The following SHPRH variants were observed in gnomAD, a reference collection of about 807,000 sequenced individuals.
SHPRH encodes the protein SNF2 histone linker PHD RING helicase.
In SHPRH, 106 loss-of-function variants were observed where a neutral mutation model predicts 202.5. The observed-to-expected ratio is 0.52, with a 90% CI of 0.45 to 0.62. The LOEUF is 0.62. SHPRH is among the 20% of genes least tolerant of loss of function. The pLI is 0.00. For missense variants in SHPRH, 1,710 were observed against 2,020.0 expected (o/e 0.85, Z 2.94); for synonymous variants, 729 against 686.0 (o/e 1.06, Z -0.98).
chr6:145,893,601 T>C (rs1234600054), intron 27 of SHPRH, among the ~76,000 whole-genome samples: 2 of 152,190 alleles, frequency 1.3e-5, no homozygotes, highest in Non-Finnish European at 2.9e-5. Flanking sequence ...TAAGCTCTCT[T>C]GTTCTTCGTA....
At position 145,947,455 on chromosome 6, in the gene SHPRH, T is replaced by C. The variant is rs766033604; in HGVS notation, c.1212+38A>G. 28 of 1,600,938 alleles carry C rather than the reference T, an allele frequency of 1.7e-5. 1 individual carries two copies. Among genetic ancestry groups the C allele is most frequent in the South Asian group, 1.3e-4 (12 of 88,932 alleles). On this transcript the variant is annotated intron_variant, in intron 6 of 29. Coordinates refer to ENST00000275233, the MANE Select transcript of SHPRH (RefSeq NM_001042683.3). ...ACATACGATGCTTTTCGAGAACATA[T>C]GTCCCCTGCTTTTGCAAGCCCTACT... is the stretch of plus-strand genomic sequence containing the variant.
At chr6:145,963,619 G>A (rs1582858425) in intron 1 of SHPRH, 112 bp downstream of exon 1, 2 of 152,164 alleles carry the variant, frequency 1.3e-5, no homozygotes, top group Admixed American at 1.3e-4. Flanking sequence ...ACTTTGAGTG[G>A]GACTGAGAAA....
chr6:145,940,756 T>C lies in SHPRH; in HGVS notation c.2536A>G (p.Ile846Val). 6.2e-7 allele frequency: 1 copy of C among 1,613,764 alleles called. No individual in the cohort carries two copies. The highest frequency in any genetic ancestry group is 8.5e-7 in the Non-Finnish European group (1 of 1,179,824). ...CCTCTCTGTACTGGAGTGCCACTGA[T>C]ACACCATCGATTAATCCCACTCAAA... ...QRLSGINRWC[I>V]SGTPVQRGLE... Residue 846 changes from isoleucine (I) to valine (V), a missense_variant, in exon 11 of 30, where the codon ATC becomes GTC. Ile to Val is a conservative substitution (Grantham distance 29). Coordinates refer to ENST00000275233, the MANE Select transcript of SHPRH (RefSeq NM_001042683.3).
Position 145,943,633 on chromosome 6 carries a change from G to A in SHPRH, c.1748C>T (p.Ser583Phe), listed in dbSNP as rs773675438. The change falls in exon 9 of 30, where the codon TCC becomes TTC. Residue 583 changes from serine (S) to phenylalanine (F), a missense_variant. Around this residue, in one of 8 missense-constraint regions of SHPRH, gnomAD observed 348 missense variants for 356.9 expected, o/e 0.97. Coordinates refer to ENST00000275233, the MANE Select transcript of SHPRH (RefSeq NM_001042683.3). ...TGGTTGACTTTTTCCTTTTTTTGTG[G>A]ATGGAACAAGCTTTTTCCTCAATTT... Reference protein sequence around the residue: ...RSKLRKKLVPSTKKGKSQPFI... With the variant: ...RSKLRKKLVPFTKKGKSQPFI... The A allele has an allele frequency of 1.9e-6, 3 of 1,613,742 alleles. No homozygotes were observed. Among genetic ancestry groups the A allele is most frequent in the Non-Finnish European group, 2.5e-6 (3 of 1,179,860 alleles).
intron 14 of SHPRH, among the ~76,000 whole-genome samples, chr6:145,930,454 T>G (rs1288631716): frequency 1.3e-5 from 2 of 152,194 alleles, no homozygotes; most frequent in African/African-American, 4.8e-5. Flanking sequence ...TTTTATTCAC[T>G]TCAAAGTATC....
chr6:145,879,357 T>C (rs1780448081), intron 2 of SHPRH, among the ~76,000 whole-genome samples: 1 of 152,150 alleles, frequency 6.6e-6, no homozygotes, highest in Non-Finnish European at 1.5e-5. Context: ...CTTAGTTGGC[T>C]GAAGATATTC....
intron 25 of SHPRH, among the ~76,000 whole-genome samples, chr6:145,896,806 A>C (rs1236998160): frequency 6.6e-6 from 1 of 152,130 alleles, no homozygotes; most frequent in Non-Finnish European, 1.5e-5. Context: ...TCATTGGGTC[A>C]ATGAAGCAAT....
At chr6:145,941,171 G>A (rs963937534) in intron 10 of SHPRH, among the ~76,000 whole-genome samples, 1 of 152,122 alleles carries the variant, frequency 6.6e-6, no homozygotes, top group African/African-American at 2.4e-5. Flanking sequence ...AAAGACAACA[G>A]AATAAAGACA....
At chr6:145,918,259 T>C (rs751898501) in intron 22 of SHPRH, 27 bp from the exon 23 acceptor site, 2 of 1,406,842 alleles carry the variant, frequency 1.4e-6, no homozygotes, top group Admixed American at 2.5e-5. Context: ...TAAAAACTTC[T>C]TTATTCTTTC....
Position 145,964,161 on chromosome 6 carries a change from G to C in SHPRH, c.-463C>G, listed in dbSNP as rs577809399. ...TTCCATCACCCAAGCGCCTACCCAA[G>C]CTGGTTCTCCGAGCCTCTTGAGTCT... On this transcript the variant is annotated 5_prime_UTR_variant, in exon 1 of 30. Coordinates refer to ENST00000275233, the MANE Select transcript of SHPRH (RefSeq NM_001042683.3). 6.8e-6 allele frequency: 1 copy of C among 146,372 alleles called. No individual in the cohort carries two copies. The highest frequency in any genetic ancestry group is 2.5e-5 in the African/African-American group (1 of 40,478). 9.1% of individuals were successfully genotyped at this position (146,372 alleles called of 1,614,324 possible).
At position 145,943,316 on chromosome 6, in the gene SHPRH, C is replaced by G. The variant is rs1786995730; in HGVS notation, c.2065G>C (p.Val689Leu). 6.2e-7 allele frequency: 1 copy of G among 1,613,814 alleles called. No homozygotes were observed. The highest frequency in any genetic ancestry group is 8.5e-7 in the Non-Finnish European group (1 of 1,179,928). ...KCHLWQHAKC[V>L]NYDEKNLKIK... Reference sequence around the variant, plus strand: ...TTCAGATTTTTCTCATCATAATTCACACACTTTGCATGTTGCCACAGGTGA... The same window carrying G: ...TTCAGATTTTTCTCATCATAATTCAGACACTTTGCATGTTGCCACAGGTGA... Residue 689 changes from valine (V) to leucine (L), a missense_variant, in exon 9 of 30, where the codon GTG becomes CTG. Val to Leu is a conservative substitution (Grantham distance 32). Around this residue, in one of 8 missense-constraint regions of SHPRH, gnomAD observed 277 missense variants for 363.0 expected, o/e 0.76. Transcript: ENST00000275233.
chr6:145,946,881 G>GAC (rs1171361318), intron 6 of SHPRH, among the ~76,000 whole-genome samples: 1 of 151,802 alleles, frequency 6.6e-6, no homozygotes, highest in African/African-American at 2.4e-5. Flanking sequence ...TTTAACTACT[G>GAC]ACTTCATTTC....
chr6:145,862,293 C>CAA (rs1004641382), downstream of SHPRH, among the ~76,000 whole-genome samples: 1 of 145,052 alleles, frequency 6.9e-6, no homozygotes, highest in African/African-American at 2.5e-5. Context: ...ACTAAAAATA[C>CAA]AAAAAAAAAA....
chr6:145,865,714 G>A (rs547299769), intron 2 of SHPRH, among the ~76,000 whole-genome samples: 3 of 152,314 alleles, frequency 2.0e-5, no homozygotes, highest in Non-Finnish European at 4.4e-5. Flanking sequence ...CAGAGGCCCG[G>A]GCAATCTCTC....
chr6:145,921,940 A>T (rs78774851), intron 20 of SHPRH, among the ~76,000 whole-genome samples: 6,370 of 152,100 alleles, frequency 0.042, 223 homozygotes, highest in East Asian at 0.17. Context: ...ATTCTTGAAG[A>T]AGTTATGCCG....
intron 2 of SHPRH, among the ~76,000 whole-genome samples, chr6:145,874,567 A>G (rs1255064004): frequency 2.0e-5 from 3 of 152,200 alleles, no homozygotes; most frequent in Non-Finnish European, 4.4e-5. Context: ...ACATTCTGAA[A>G]TGATTACCAA....
chr6:145,877,533 A>G (rs1237769852), intron 2 of SHPRH: 1 of 152,202 alleles, frequency 6.6e-6, no homozygotes, highest in Admixed American at 6.5e-5. Context: ...GCCCCATAAT[A>G]TATTTCCTTG....
intron 22 of SHPRH, 77 bp downstream of exon 22, chr6:145,919,271 T>A: frequency 6.4e-7 from 1 of 1,570,660 alleles, no homozygotes. Flanking sequence ...GTGCCCTGAT[T>A]CTGCCTTTTC....
rs775730157 is a variant in SHPRH, at chr6:145,947,508, A to G, written c.1197T>C (p.Ala399=). The change falls in exon 6 of 30, where the codon GCT becomes GCC. Residue 399 remains alanine (A), a synonymous_variant. Coordinates refer to ENST00000275233, the MANE Select transcript of SHPRH (RefSeq NM_001042683.3). The stretch of plus-strand genomic sequence containing the variant: ...ACCCTCCTACCTCGGGAAGAGTGAG[A>G]GCATCTTGCTTGACATCTTGTCGAG... ...THTRQDVKQD[A]LTLPEGKVVN... 1.9e-6 allele frequency: 3 copies of G among 1,612,676 alleles called. No homozygotes were observed. The East Asian group carries it at 6.7e-5, about 36-fold the overall frequency.
Sources: allele counts gnomAD v4.1 joint callset (sites outside exome capture counted in the v4.1 genomes callset), GRCh38; gene constraint gnomAD v4.1.1; regional missense constraint gnomAD v4.1.1; transcripts MANE v1.5; gene names NCBI Gene and HGNC (gene_info 2026-07-23, HGNC 2026-07-21).